PANK1: variants seen among roughly 807,000 people sequenced by gnomAD.
PANK1 encodes the protein pantothenate kinase 1.
PANK1 carries 18 observed loss-of-function variants against 40.1 expected under a neutral mutation model. The observed-to-expected ratio is 0.45, with a 90% confidence interval of 0.31 to 0.67. The LOEUF is 0.67. PANK1 is among the 30% of genes least tolerant of loss of function. The probability of loss-of-function intolerance (pLI) is 0.06; values close to 1 mark genes in which losing one functional copy is unlikely to be tolerated. For missense variants in PANK1, 457 were observed against 599.6 expected (o/e 0.76, Z 2.48); for synonymous variants, 242 against 237.7 (o/e 1.02, Z -0.17).
intron 1 of PANK1, among the ~76,000 whole-genome samples, chr10:89,614,568 C>G (rs1424312259): frequency 6.6e-6 from 1 of 152,032 alleles, no homozygotes; most frequent in Non-Finnish European, 1.5e-5. Context: ...GAGGCTGAGG[C>G]AGGCAGATCG....
intron 1 of PANK1, among the ~76,000 whole-genome samples, chr10:89,636,730 C>G (rs1841828958): frequency 6.6e-6 from 1 of 151,700 alleles, no homozygotes; most frequent in Non-Finnish European, 1.5e-5. Context: ...GGATTACAGG[C>G]ATGAGCCACC....
chr10:89,617,582 A>G (rs945253228), intron 1 of PANK1, among the ~76,000 whole-genome samples: 3 of 152,222 alleles, frequency 2.0e-5, no homozygotes, highest in Non-Finnish European at 2.9e-5. Context: ...TAGAATGGCT[A>G]CCACACCCAC....
chr10:89,606,347 A>G (rs1844965581), intron 2 of PANK1, among the ~76,000 whole-genome samples: 1 of 152,232 alleles, frequency 6.6e-6, no homozygotes, highest in Non-Finnish European at 1.5e-5. Context: ...TATTTCATCT[A>G]TACTGGAAAT....
At chr10:89,635,942 A>T (rs1020118581) in intron 1 of PANK1, among the ~76,000 whole-genome samples, 88 of 152,186 alleles carry the variant, frequency 5.8e-4, no homozygotes, top group Admixed American at 2.0e-4. Flanking sequence ...TCCACATCCT[A>T]CCATCTGGGA....
At chr10:89,612,389 G>T (rs1316427398) in intron 1 of PANK1, among the ~76,000 whole-genome samples, 1 of 152,126 alleles carries the variant, frequency 6.6e-6, no homozygotes, top group African/African-American at 2.4e-5. Flanking sequence ...AATATTTAAA[G>T]ATAGATATAT....
At chr10:89,621,479 G>A (rs1026115740) in intron 1 of PANK1, among the ~76,000 whole-genome samples, 3 of 152,146 alleles carry the variant, frequency 2.0e-5, no homozygotes, top group South Asian at 2.1e-4. Flanking sequence ...TGGAAGGAAC[G>A]TTAGGTTGAG....
chr10:89,641,589 G>A (rs1384762513), intron 1 of PANK1, among the ~76,000 whole-genome samples: 1 of 152,042 alleles, frequency 6.6e-6, no homozygotes, highest in African/African-American at 2.4e-5. Flanking sequence ...AAAATTAGCT[G>A]GGCGTGGTGG....
At chr10:89,591,929 C>T (rs143472773) in intron 5 of PANK1, among the ~76,000 whole-genome samples, 216 of 152,292 alleles carry the variant, frequency 1.4e-3, no homozygotes, top group Admixed American at 2.2e-3. Context: ...GCATCTATTG[C>T]TCTGTGGGGC....
intron 1 of PANK1, among the ~76,000 whole-genome samples, chr10:89,616,835 C>G (rs1013002745): frequency 6.6e-6 from 1 of 151,916 alleles, no homozygotes; most frequent in Non-Finnish European, 1.5e-5. Context: ...GAAGGAGAAT[C>G]GCTTGAACTC....
intron 1 of PANK1, among the ~76,000 whole-genome samples, chr10:89,625,356 A>G (rs1845629849): frequency 1.3e-5 from 2 of 152,216 alleles, no homozygotes; most frequent in African/African-American, 4.8e-5. Context: ...TTGTTAATGA[A>G]ATTATTTATT....
intron 1 of PANK1, among the ~76,000 whole-genome samples, chr10:89,627,787 CAA>C (rs2133990642): frequency 6.6e-6 from 1 of 152,244 alleles, no homozygotes; most frequent in Admixed American, 6.5e-5. Context: ...GTAACTATCA[CAA>C]AGTCAAGTCT....
At chr10:89,637,147 C>T (rs776829696) in intron 1 of PANK1, among the ~76,000 whole-genome samples, 10 of 152,002 alleles carry the variant, frequency 6.6e-5, no homozygotes, top group Admixed American at 3.3e-4. Context: ...CGTCAGCCAC[C>T]GCACCCGGCC....
intron 6 of PANK1, among the ~76,000 whole-genome samples, chr10:89,586,473 G>A (rs908193699): frequency 3.3e-5 from 5 of 151,962 alleles, no homozygotes; most frequent in African/African-American, 1.2e-4. Context: ...AAAAACAAGA[G>A]CTTTCTTTAG....
At position 89,584,341 on chromosome 10, in the gene PANK1, CT is replaced by C; in HGVS notation, c.*64del. 9.4e-7 allele frequency: 1 copy of C among 1,065,892 alleles called. No individual in the cohort carries two copies. Among genetic ancestry groups the C allele is most frequent in the South Asian group, 1.3e-5 (1 of 77,564 alleles). 66.0% of individuals were successfully genotyped at this position (1,065,892 alleles called of 1,614,324 possible). A position where few individuals can be genotyped will look rare whatever the true frequency, so the allele number is the denominator to read the frequency against. ...GCTTCCGTCCCAAAGCGACTTTCAC[CT>C]TCTCCAGCAGCAATTTTTTAGTTCT... is the stretch of plus-strand genomic sequence containing the variant. On this transcript the variant is annotated 3_prime_UTR_variant, in exon 7 of 7. Coordinates refer to ENST00000307534, the MANE Select transcript of PANK1 (RefSeq NM_148977.3).
chr10:89,628,038 A>G (rs1212398960), intron 1 of PANK1, among the ~76,000 whole-genome samples: 1 of 152,224 alleles, frequency 6.6e-6, no homozygotes, highest in Non-Finnish European at 1.5e-5. Context: ...GAAAACAAGT[A>G]TTATGAGGAA....
At chr10:89,584,683 G>C (rs1366124582) in intron 6 of PANK1, among the ~76,000 whole-genome samples, 1 of 152,102 alleles carries the variant, frequency 6.6e-6, no homozygotes, top group Non-Finnish European at 1.5e-5. Context: ...ACTATGTCTG[G>C]TACATGTGTG....
Position 89,599,406 on chromosome 10 carries a change from A to G in PANK1, c.745T>C (p.Tyr249His). ...SVGFNGKPEC[Y>H]YFENPTNPEL... ...GGATTTGTGGGATTTTCAAAATAGT[A>G]ACATTCTGGCTTGCCGTTGAAGCCA... The change falls in exon 3 of 7, where the codon TAC becomes CAC. Residue 249 changes from tyrosine (Y) to histidine (H), a missense_variant. Tyr to His is a moderately conservative substitution (Grantham distance 83). Around this residue, in one of 4 missense-constraint regions of PANK1, gnomAD observed 286 missense variants for 415.8 expected, o/e 0.69. Transcript: ENST00000307534. 6.2e-7 allele frequency: 1 copy of G among 1,614,070 alleles called. No homozygotes were observed. Among genetic ancestry groups the G allele is most frequent in the Non-Finnish European group, 8.5e-7 (1 of 1,179,926 alleles).
intron 2 of PANK1, among the ~76,000 whole-genome samples, chr10:89,610,180 G>T (rs981747249): frequency 1.3e-5 from 2 of 152,166 alleles, no homozygotes; most frequent in Non-Finnish European, 1.5e-5. Flanking sequence ...TTTCAGTTCT[G>T]AAGTCTTACT....
At chr10:89,629,662 T>G (rs1432585883) in intron 1 of PANK1, among the ~76,000 whole-genome samples, 3 of 152,248 alleles carry the variant, frequency 2.0e-5, no homozygotes, top group Non-Finnish European at 4.4e-5. Context: ...CAGTGATGCT[T>G]GTTCAACATA....
Sources: allele counts gnomAD v4.1 joint callset (sites outside exome capture counted in the v4.1 genomes callset), GRCh38; gene constraint gnomAD v4.1.1; regional missense constraint gnomAD v4.1.1; transcripts MANE v1.5; gene names NCBI Gene and HGNC (gene_info 2026-07-23, HGNC 2026-07-21).